SMG7: variants seen among roughly 807,000 people sequenced by gnomAD.
SMG7 encodes the protein nonsense-mediated mRNA decay factor SMG7.
SMG7 carries 34 observed loss-of-function variants against 148.2 expected under a neutral mutation model. That is an observed-to-expected ratio of 0.23 (90% CI 0.17 to 0.31). SMG7 has a LOEUF of 0.31. SMG7 is among the 10% of genes least tolerant of loss of function. The pLI is 1.00. For missense variants in SMG7, 1,114 were observed against 1,408.4 expected (o/e 0.79, Z 3.35); for synonymous variants, 492 against 515.1 (o/e 0.96, Z 0.61).
Position 183,472,597 on chromosome 1 carries a change from A to T in SMG7, c.-24A>T. 1.4e-6 allele frequency: 2 copies of T among 1,436,128 alleles called. No individual in the cohort carries two copies. The highest frequency in any genetic ancestry group is 1.8e-6 in the Non-Finnish European group (2 of 1,083,532). 89.0% of individuals were successfully genotyped at this position (1,436,128 alleles called of 1,614,324 possible). A position where few individuals can be genotyped will look rare whatever the true frequency, so the allele number is the denominator to read the frequency against. On this transcript the variant is annotated 5_prime_UTR_variant, in exon 1 of 23. Transcript: ENST00000688051. Reference sequence around the variant, plus strand: ...GAGAGACCCACGGAGGCTTCGCGGGAAGACGCGGCGGCGGCGGCGGAGGAT... The same window carrying T: ...GAGAGACCCACGGAGGCTTCGCGGGTAGACGCGGCGGCGGCGGCGGAGGAT...
chr1:183,525,824 T>C (rs780628997), intron 4 of SMG7, among the ~76,000 whole-genome samples: 19 of 152,180 alleles, frequency 1.2e-4, no homozygotes, highest in Non-Finnish European at 2.6e-4. Flanking sequence ...TCGTTGTATA[T>C]GCAAAGACAT....
At chr1:183,506,668 C>T (rs367721321) in intron 1 of SMG7, among the ~76,000 whole-genome samples, 1 of 136,192 alleles carries the variant, frequency 7.3e-6, no homozygotes, top group Non-Finnish European at 1.6e-5. Context: ...AAAAAAAAAA[C>T]ACGAAAAAAC....
At chr1:183,472,675 G>T (rs555381530) in intron 1 of SMG7, 26 bp downstream of exon 1, 1 of 1,461,344 alleles carries the variant, frequency 6.8e-7, no homozygotes, top group South Asian at 1.3e-5. Flanking sequence ...GGGCTGGTAC[G>T]TAGGGGGAGC....
intron 1 of SMG7, among the ~76,000 whole-genome samples, chr1:183,489,172 G>A (rs932688966): frequency 5.9e-5 from 9 of 151,932 alleles, no homozygotes; most frequent in Non-Finnish European, 2.9e-5. Flanking sequence ...AGTTAGACAG[G>A]GCTTGAATTT....
chr1:183,503,557 AC>A (rs1557982543), intron 1 of SMG7, among the ~76,000 whole-genome samples: 1 of 152,166 alleles, frequency 6.6e-6, no homozygotes, highest in Non-Finnish European at 1.5e-5. Context: ...GTGGTAGAGG[AC>A]ATAGGGTTTT....
intron 1 of SMG7, 107 bp from the exon 2 acceptor site, chr1:183,512,727 CCTT>C: frequency 9.9e-7 from 1 of 1,008,068 alleles, no homozygotes; most frequent in Admixed American, 2.7e-5. Context: ...TGCTGTATAT[CCTT>C]ATCGTAGTAT....
At chr1:183,523,714 T>C (rs900512474) in intron 4 of SMG7, among the ~76,000 whole-genome samples, 2 of 152,212 alleles carry the variant, frequency 1.3e-5, no homozygotes, top group African/African-American at 4.8e-5. Context: ...CTGTCTGATA[T>C]CACCACTTAA....
chr1:183,519,694 A>G (rs886168803), intron 4 of SMG7, among the ~76,000 whole-genome samples: 3 of 152,150 alleles, frequency 2.0e-5, no homozygotes, highest in Non-Finnish European at 4.4e-5. Context: ...CCACTTTAAT[A>G]TATACTCTTC....
At chr1:183,536,501 A>G (rs1383760294) in intron 10 of SMG7, among the ~76,000 whole-genome samples, 1 of 152,150 alleles carries the variant, frequency 6.6e-6, no homozygotes, top group Non-Finnish European at 1.5e-5. Context: ...GGAAACTTTA[A>G]CATACCTCAC....
intron 1 of SMG7, among the ~76,000 whole-genome samples, chr1:183,484,844 T>C (rs1415493639): frequency 1.3e-5 from 2 of 152,178 alleles, no homozygotes; most frequent in African/African-American, 4.8e-5. Context: ...AAAGGCTTAT[T>C]ATACTCTTAG....
At chr1:183,516,514 T>C (rs900655259) in intron 3 of SMG7, among the ~76,000 whole-genome samples, 1 of 152,222 alleles carries the variant, frequency 6.6e-6, no homozygotes, top group Non-Finnish European at 1.5e-5. Flanking sequence ...CCGCTTCTTC[T>C]TTCTATAAGG....
intron 1 of SMG7, among the ~76,000 whole-genome samples, chr1:183,493,518 T>C (rs1430095558): frequency 1.3e-5 from 2 of 152,238 alleles, no homozygotes; most frequent in African/African-American, 4.8e-5. Context: ...TAAAATGTTC[T>C]CTAAATGCCA....
intron 1 of SMG7, among the ~76,000 whole-genome samples, chr1:183,509,368 A>G (rs1367863183): frequency 6.6e-6 from 1 of 152,236 alleles, no homozygotes; most frequent in East Asian, 1.9e-4. Flanking sequence ...TTTATGTCAT[A>G]GTAATTTTGT....
At chr1:183,489,803 G>A (rs1656477031) in intron 1 of SMG7, among the ~76,000 whole-genome samples, 1 of 152,194 alleles carries the variant, frequency 6.6e-6, no homozygotes, top group African/African-American at 2.4e-5. Context: ...ACCTATTTAG[G>A]TGGAAGGAGA....
At chr1:183,512,954 C>A in intron 2 of SMG7, 86 bp downstream of exon 2, 1 of 1,214,374 alleles carries the variant, frequency 8.2e-7, no homozygotes, top group Non-Finnish European at 1.1e-6. Context: ...TTATGCACAG[C>A]ACTAAATCCC....
chr1:183,514,833 T>C (rs1423986513), intron 2 of SMG7, among the ~76,000 whole-genome samples: 1 of 152,230 alleles, frequency 6.6e-6, no homozygotes, highest in Non-Finnish European at 1.5e-5. Context: ...AACTCTATTC[T>C]TAACTAGCCT....
rs962029255 is a variant in SMG7, at chr1:183,520,706, G to A, written c.312+2886G>A. Among the ~76,000 whole-genome samples, 68 of 151,956 alleles carry A rather than the reference G, an allele frequency of 4.5e-4. 2 individuals carry two copies. The highest frequency in any genetic ancestry group is 1.2e-4 in the Non-Finnish European group (8 of 67,992). On this transcript the variant is annotated intron_variant, in intron 4 of 22. Coordinates refer to ENST00000688051, the MANE Select transcript of SMG7 (RefSeq NM_001375584.1). ...GAAAAATGATTCTTAATCTTTTTTC[G>A]TTACATGACATACATGTGATATATT...
At chr1:183,489,762 C>T (rs1656463304) in intron 1 of SMG7, among the ~76,000 whole-genome samples, 1 of 152,170 alleles carries the variant, frequency 6.6e-6, no homozygotes, top group East Asian at 1.9e-4. Context: ...TAATAAAGAT[C>T]AACTTCTATT....
chr1:183,506,096 C>T (rs1660829188), intron 1 of SMG7, among the ~76,000 whole-genome samples: 1 of 152,202 alleles, frequency 6.6e-6, no homozygotes, highest in African/African-American at 2.4e-5. Context: ...GATGCTCACT[C>T]ACTAGCTTAG....
Sources: allele counts gnomAD v4.1 joint callset (sites outside exome capture counted in the v4.1 genomes callset), GRCh38; gene constraint gnomAD v4.1.1; transcripts MANE v1.5; gene names NCBI Gene and HGNC (gene_info 2026-07-23, HGNC 2026-07-21).